Variants in TCEA2 observed in about 807,000 individuals in gnomAD.
TCEA2 encodes the protein transcription elongation factor A2.
In TCEA2, 21 loss-of-function variants were observed where a neutral mutation model predicts 40.8. The observed-to-expected ratio is 0.51, with a 90% CI of 0.36 to 0.74. The LOEUF is 0.74. Among genes scored for constraint, TCEA2 ranks in the 30% least tolerant of loss-of-function variants. The probability of loss-of-function intolerance (pLI) is 0.00; values close to 1 mark genes in which losing one functional copy is unlikely to be tolerated. For missense variants in TCEA2, 326 were observed against 426.5 expected (o/e 0.76, Z 2.08); for synonymous variants, 165 against 162.7 (o/e 1.01, Z -0.11).
chr20:64,071,357 A>AG (rs2059829299), intron 8 of TCEA2, among the ~76,000 whole-genome samples: 2 of 151,856 alleles, frequency 1.3e-5, no homozygotes, highest in Non-Finnish European at 2.9e-5. Context: ...TTAAAAAAAA[A>AG]AAAAAGAGGG....
At chr20:64,071,464 G>T (rs1293198469) in intron 8 of TCEA2, among the ~76,000 whole-genome samples, 1 of 152,206 alleles carries the variant, frequency 6.6e-6, no homozygotes, top group Non-Finnish European at 1.5e-5. Flanking sequence ...TGGGGCCTGG[G>T]TCGGTGCAGA....
In TCEA2 at chr20:64,058,111, C is replaced by T. The variant is rs754098070; in HGVS notation, c.-84+460C>T. ...CGCAGGACTAGAGCATGTCAGGGTTCGGGGCTCCTGTCATAGCGGAGTGGC... is the reference window on the plus strand; with the variant it reads ...CGCAGGACTAGAGCATGTCAGGGTTTGGGGCTCCTGTCATAGCGGAGTGGC... On this transcript the variant is annotated intron_variant, in intron 1 of 10. Coordinates refer to the TCEA2 transcript ENST00000361317. The surrounding 1 kb of genome is among the most constrained non-coding windows in gnomAD (Gnocchi z 6.7). Among the ~76,000 whole-genome samples the T allele has an allele frequency of 6.6e-6, 1 of 152,230 alleles. No individual in the cohort carries two copies. The highest frequency in any genetic ancestry group is 2.4e-5 in the African/African-American group (1 of 41,458).
intron 1 of TCEA2, 130 bp from the exon 2 acceptor site, chr20:64,066,346 G>C (rs1056401501): frequency 4.6e-6 from 5 of 1,090,254 alleles, no homozygotes; most frequent in Non-Finnish European, 6.8e-6. Context: ...GAGGAATTTT[G>C]GTTTCTTTTT....
rs760916327 is a variant in TCEA2, at chr20:64,069,972, C to G, written c.517+151C>G. 2.9e-6 allele frequency: 3 copies of G among 1,042,240 alleles called. No individual in the cohort carries two copies. In the Admixed American group the frequency reaches 5.9e-5, roughly 20 times the overall value. 64.6% of individuals were successfully genotyped at this position (1,042,240 alleles called of 1,614,324 possible). A position where few individuals can be genotyped will look rare whatever the true frequency, so the allele number is the denominator to read the frequency against. ...TCACCTGCCTGGGTGGTCAGGCTGT[C>G]TCACCTCAGGAGGGCCCCCGGACCA... On this transcript the variant is annotated intron_variant, in intron 6 of 9. Transcript: ENST00000343484.
intron 8 of TCEA2, among the ~76,000 whole-genome samples, chr20:64,070,944 G>A (rs1046829284): frequency 1.3e-5 from 2 of 150,452 alleles, no homozygotes; most frequent in African/African-American, 2.5e-5. Flanking sequence ...TGGGAGGGCC[G>A]TGCTGCCTGC....
chr20:64,063,562 GCCAGCCCTGCCGTTCACT>G (rs2059618215), intron 1 of TCEA2, 178 bp downstream of exon 1: 1 of 715,654 alleles, frequency 1.4e-6, no homozygotes, highest in African/African-American at 1.9e-5. Flanking sequence ...CCTGCCCCGG[GCCAGCCCTGCCGTTCACT>G]CCCGCAACCC....
At chr20:64,063,075 G>T (rs181603858), upstream of TCEA2, 17 of 267,236 alleles carry the variant, frequency 6.4e-5, no homozygotes, top group African/African-American at 3.6e-4. Flanking sequence ...GCCGCGTGGC[G>T]CCTGGGAGTT....
At chr20:64,064,497 A>AAAC (rs1218180636) in intron 1 of TCEA2, 2 of 152,290 alleles carry the variant, frequency 1.3e-5, no homozygotes, top group Non-Finnish European at 2.9e-5. Context: ...CTGGCTCAAT[A>AAAC]AACGTGACCT....
upstream of TCEA2, among the ~76,000 whole-genome samples, chr20:64,061,499 T>A (rs1352859095): frequency 1.3e-5 from 2 of 152,002 alleles, no homozygotes; most frequent in Non-Finnish European, 1.5e-5. Context: ...ATGGTCTCGA[T>A]CTCCTGACCT....
chr20:64,056,081 AGGCCGCCAG>A (rs2059470279), upstream of TCEA2, among the ~76,000 whole-genome samples: 1 of 152,018 alleles, frequency 6.6e-6, no homozygotes, highest in Non-Finnish European at 1.5e-5. Flanking sequence ...AGCCTGGAGC[AGGCCGCCAG>A]GGCCGCCACT....
At position 64,070,513 on chromosome 20, in the gene TCEA2, G is replaced by A. The variant is rs1601600404; in HGVS notation, c.697G>A (p.Glu233Lys). The change falls in exon 8 of 10, where the codon GAG (glutamate) becomes AAG (lysine). Residue 233 changes from glutamate (E) to lysine (K), a missense_variant. Coordinates refer to ENST00000343484, the MANE Select transcript of TCEA2 (RefSeq NM_003195.6). ...SEEMASDELK[E>K]IRKAMTKEAI... ...GGAGATGGCCAGTGATGAGCTGAAG[G>A]AGATCCGTAAGGCCATGACCAAGGA... 2 of 1,613,750 alleles carry A rather than the reference G, an allele frequency of 1.2e-6. No individual in the cohort carries two copies. Among genetic ancestry groups the A allele is most frequent in the Non-Finnish European group, 1.7e-6 (2 of 1,180,036 alleles).
chr20:64,071,794 C>T (rs917768604), intron 8 of TCEA2, 76 bp from the exon 9 acceptor site: 4 of 1,558,982 alleles, frequency 2.6e-6, no homozygotes, highest in African/African-American at 1.4e-5. Context: ...GCGAGGCCCG[C>T]ACTGCCCATG....
chr20:64,063,672 C>T (rs1406967929), intron 1 of TCEA2: 1 of 485,752 alleles, frequency 2.1e-6, no homozygotes, highest in Non-Finnish European at 3.7e-6. Flanking sequence ...CGCCCGCAGT[C>T]ACAGGCTCCG....
chr20:64,063,302 C>T lies in TCEA2; in HGVS notation c.-11C>T, dbSNP rs923337740. Reference sequence around the variant, plus strand: ...GGCGCGACGGGCGCGGGGGTCGCTGCTCCTGAGGCGATGATGGGCAAGGAA... The same window carrying T: ...GGCGCGACGGGCGCGGGGGTCGCTGTTCCTGAGGCGATGATGGGCAAGGAA... On this transcript the variant is annotated 5_prime_UTR_variant, in exon 1 of 10. Transcript: ENST00000343484. The T allele has an allele frequency of 2.0e-6, 3 of 1,536,670 alleles. No homozygotes were observed. The highest frequency in any genetic ancestry group is 1.4e-5 in the African/African-American group (1 of 71,104).
upstream of TCEA2, chr20:64,063,197 C>CGCGGCGGGGCTGCGTCGGCT: frequency 5.4e-6 from 5 of 934,124 alleles, no homozygotes; most frequent in Non-Finnish European, 7.0e-6. Flanking sequence ...GTCTGTCGTC[C>CGCGGCGGGGCTGCGTCGGCT]GCGGCGGGGC....
intron 1 of TCEA2, chr20:64,063,719 T>G: frequency 3.2e-6 from 1 of 310,412 alleles, no homozygotes. Flanking sequence ...ACCCCCAGCC[T>G]GGCCCGTCGA....
chr20:64,071,137 C>T (rs1299028979), intron 8 of TCEA2, among the ~76,000 whole-genome samples: 1 of 152,136 alleles, frequency 6.6e-6, no homozygotes, highest in Non-Finnish European at 1.5e-5. Context: ...ATAATGAGGT[C>T]AGGAGTTCGA....
At chr20:64,064,560 G>A (rs2059643571) in intron 1 of TCEA2, among the ~76,000 whole-genome samples, 2 of 152,158 alleles carry the variant, frequency 1.3e-5, no homozygotes, top group African/African-American at 2.4e-5. Flanking sequence ...CTGTGTGTCT[G>A]CCAGGCCAGC....
intron 1 of TCEA2, 191 bp from the exon 2 acceptor site, chr20:64,066,285 C>T (rs1601588749): frequency 3.3e-6 from 2 of 602,080 alleles, no homozygotes; most frequent in Non-Finnish European, 5.9e-6. Context: ...AGTAAGGGTT[C>T]CCTGCTGTGG....
Sources: gnomAD v4.1 joint callset for allele counts (sites outside exome capture counted in the v4.1 genomes callset) on GRCh38, gnomAD v4.1.1 for gene constraint, Gnocchi (gnomAD v3.1) non-coding constraint, MANE v1.5 for transcripts, NCBI Gene and HGNC (gene_info 2026-07-23, HGNC 2026-07-21) for gene names.